Variants in BLTP1 observed in about 807,000 individuals in gnomAD.
The protein encoded by BLTP1 is bridge-like lipid transfer protein family member 1, also known as fragile site-associated protein.
At chr4:122,271,267 GATAGATGACATCAAAGC>G in the BLTP1 span, 1 of 1,613,902 alleles carries the variant, frequency 6.2e-7, no homozygotes. Context: ...TTAGCACAAT[GATAGATGACATCAAAGC>G]AACTCAGACT....
the BLTP1 span, chr4:122,187,458 C>G: frequency 6.2e-7 from 1 of 1,612,050 alleles, no homozygotes; most frequent in South Asian, 1.1e-5. Flanking sequence ...AATCCCAAGA[C>G]CCCACATCTT....
chr4:122,252,473 A>G, the BLTP1 span, among the ~76,000 whole-genome samples: 2 of 152,156 alleles, frequency 1.3e-5, no homozygotes, highest in African/African-American at 4.8e-5. Context: ...AGCTGACAGA[A>G]CAGCCCTTGG....
the BLTP1 span, among the ~76,000 whole-genome samples, chr4:122,280,682 A>C: frequency 3.3e-5 from 5 of 150,950 alleles, no homozygotes; most frequent in Middle Eastern, 3.4e-3. Context: ...AAAAAAAAAA[A>C]CAACCATGTA....
chr4:122,332,900 G>T, the BLTP1 span, among the ~76,000 whole-genome samples: 1 of 89,188 alleles, frequency 1.1e-5, no homozygotes, highest in South Asian at 4.6e-4. Context: ...TTGTTCTTGC[G>T]ATAGTTTACT....
At chr4:122,333,952 A>C in the BLTP1 span, 10 of 1,055,288 alleles carry the variant, frequency 9.5e-6, no homozygotes, top group African/African-American at 1.7e-4. Context: ...TCTGGACAGA[A>C]GAACATCAAA....
chr4:122,166,932 G>A, the BLTP1 span, among the ~76,000 whole-genome samples: 1 of 152,062 alleles, frequency 6.6e-6, no homozygotes, highest in African/African-American at 2.4e-5. Context: ...CTTTAAGCTG[G>A]CTTCTGTGTC....
At chr4:122,275,229 T>C in the BLTP1 span, among the ~76,000 whole-genome samples, 4,301 of 152,098 alleles carry the variant, frequency 0.028, 136 homozygotes, top group African/African-American at 0.08. Flanking sequence ...ATTAAGTGCC[T>C]ACTGTGGGCC....
At chr4:122,341,588 A>C in the BLTP1 span, 4 of 808,918 alleles carry the variant, frequency 4.9e-6, no homozygotes, top group Non-Finnish European at 6.0e-6. Flanking sequence ...TTTATGCCCA[A>C]ATTTTATGAT....
chr4:122,248,022 G>A, the BLTP1 span: 2 of 984,798 alleles, frequency 2.0e-6, no homozygotes, highest in African/African-American at 3.5e-5. Context: ...GTAAACAAAT[G>A]AATTCCCTGA....
the BLTP1 span, chr4:122,156,005 T>A: frequency 8.3e-6 from 8 of 966,492 alleles, no homozygotes; most frequent in South Asian, 3.8e-4. Flanking sequence ...ATAAATACTT[T>A]TGAGATGCTT....
chr4:122,249,799 TGTGGTATCTGGGA>T, the BLTP1 span: 1 of 1,448,462 alleles, frequency 6.9e-7, no homozygotes, highest in Non-Finnish European at 9.2e-7. Flanking sequence ...AAGCAGAAAG[TGTGGTATCTGGGA>T]TTATTTACCG....
the BLTP1 span, chr4:122,194,420 T>C: frequency 2.4e-6 from 1 of 410,142 alleles, no homozygotes; most frequent in South Asian, 1.0e-4. Context: ...AGAAAATACT[T>C]TTCACATTAT....
chr4:122,354,186 G>A, the BLTP1 span, among the ~76,000 whole-genome samples: 3 of 152,172 alleles, frequency 2.0e-5, no homozygotes, highest in Non-Finnish European at 1.5e-5. Context: ...CCCTGGTAAT[G>A]TGGCATCTCA....
the BLTP1 span, chr4:122,255,976 C>T: frequency 2.5e-6 from 2 of 812,620 alleles, no homozygotes; most frequent in Non-Finnish European, 3.0e-6. Flanking sequence ...ATTTCACATA[C>T]AGTTTGATGA....
At chr4:122,229,098 T>A in the BLTP1 span, 1 of 1,558,996 alleles carries the variant, frequency 6.4e-7, no homozygotes, top group Non-Finnish European at 8.7e-7. Context: ...ATGATTTAGA[T>A]GTACAATCCT....
the BLTP1 span, chr4:122,247,507 G>A: frequency 9.7e-7 from 1 of 1,032,306 alleles, no homozygotes; most frequent in Non-Finnish European, 1.4e-6. Context: ...TTGAACACGT[G>A]GTATTTAGCT....
chr4:122,207,951 T>A, the BLTP1 span: 1 of 983,138 alleles, frequency 1.0e-6, no homozygotes, highest in Non-Finnish European at 1.2e-6. Context: ...GAACTAATTT[T>A]ATACTTCCCT....
chr4:122,333,496 A>C, the BLTP1 span: 1 of 861,300 alleles, frequency 1.2e-6, no homozygotes, highest in African/African-American at 1.8e-5. Context: ...TTTTCTTGTA[A>C]ATTTGTTTGA....
chr4:122,243,894 A>T, the BLTP1 span: 1 of 1,606,114 alleles, frequency 6.2e-7, no homozygotes, highest in African/African-American at 1.3e-5. Flanking sequence ...CGCTGATAAC[A>T]CAGATGATGA....
Sources: gnomAD v4.1 joint callset for allele counts (sites outside exome capture counted in the v4.1 genomes callset) on GRCh38, gnomAD v4.1.1 for gene constraint, MANE v1.5 for transcripts, NCBI Gene and HGNC (gene_info 2026-07-23, HGNC 2026-07-21) for gene names.